ZDHHC21: variants seen among roughly 807,000 people sequenced by gnomAD.
ZDHHC21 encodes the protein zDHHC palmitoyltransferase 21.
Under a neutral mutation model 34.6 loss-of-function variants are expected in ZDHHC21, and 15 were observed. The observed-to-expected ratio is 0.43, with a 90% CI of 0.29 to 0.67. The LOEUF is 0.67. Ranked by LOEUF, ZDHHC21 falls within the 30% of genes least tolerant of loss-of-function variation. The pLI is 0.14. For missense variants in ZDHHC21, 344 were observed against 327.7 expected (o/e 1.05, Z -0.38); for synonymous variants, 142 against 101.8 (o/e 1.40, Z -2.38).
At position 14,612,383 on chromosome 9, in the gene ZDHHC21, T is replaced by A. The variant is rs1823450470; in HGVS notation, c.*6583A>T. ...AATGATTAACCATTTTAGCTGCAGTTGTAAGGACACTGAGTGTTTTGAGAA... is the reference window on the plus strand; with the variant it reads ...AATGATTAACCATTTTAGCTGCAGTAGTAAGGACACTGAGTGTTTTGAGAA... On this transcript the variant is annotated 3_prime_UTR_variant, in exon 10 of 10. Transcript: ENST00000380916. 1 of 151,988 alleles carries A rather than the reference T, an allele frequency of 6.6e-6. No individual in the cohort carries two copies. The allele number at this position is 151,988 out of a possible 1,614,324, so 9.4% of individuals were successfully genotyped here.
chr9:14,629,114 C>G (rs1826850248), intron 8 of ZDHHC21, among the ~76,000 whole-genome samples: 1 of 152,158 alleles, frequency 6.6e-6, no homozygotes, highest in Non-Finnish European at 1.5e-5. Context: ...CTCTCTCTTG[C>G]TTTCTCTTTC....
intron 5 of ZDHHC21, among the ~76,000 whole-genome samples, chr9:14,664,143 C>T (rs201492106): frequency 1.3e-5 from 2 of 151,802 alleles, no homozygotes; most frequent in Non-Finnish European, 2.9e-5. Flanking sequence ...CGCAGGCCAG[C>T]GGGTGCGCGC....
intron 2 of ZDHHC21, among the ~76,000 whole-genome samples, chr9:14,680,751 G>A (rs1394310686): frequency 1.3e-5 from 2 of 152,120 alleles, no homozygotes; most frequent in Non-Finnish European, 2.9e-5. Context: ...ACAGGGTATA[G>A]ATGAAAAAGA....
At chr9:14,638,462 A>T (rs1025260208) in intron 8 of ZDHHC21, among the ~76,000 whole-genome samples, 2 of 152,082 alleles carry the variant, frequency 1.3e-5, no homozygotes, top group Non-Finnish European at 2.9e-5. Flanking sequence ...CTTAGGAAAA[A>T]TATTTCAGGA....
At chr9:14,667,237 C>A (rs1834618462) in intron 5 of ZDHHC21, among the ~76,000 whole-genome samples, 1 of 148,320 alleles carries the variant, frequency 6.7e-6, no homozygotes, top group African/African-American at 2.5e-5. Context: ...CTCAAATAAA[C>A]TAGAAAATCT....
chr9:14,671,242 T>C (rs368260809), intron 5 of ZDHHC21, among the ~76,000 whole-genome samples: 1 of 152,080 alleles, frequency 6.6e-6, no homozygotes, highest in African/African-American at 2.4e-5. Context: ...CTTGGTTTGT[T>C]TGACCCTCAG....
At chr9:14,661,711 T>C (rs1833428545) in intron 6 of ZDHHC21, among the ~76,000 whole-genome samples, 1 of 152,218 alleles carries the variant, frequency 6.6e-6, no homozygotes, top group Non-Finnish European at 1.5e-5. Flanking sequence ...ATCACTCACA[T>C]ACTTCCAACA....
rs1824750031 is a variant in ZDHHC21 at position 14,618,959 on chromosome 9, C to T, written c.*7G>A. On this transcript the variant is annotated 3_prime_UTR_variant, in exon 10 of 10. Transcript: ENST00000380916. ...GGAGGACCCATCTGTGCCCACCATC[C>T]ATCTGTTTAGACATGATTGGCAAAG... 2.5e-6 allele frequency: 4 copies of T among 1,591,888 alleles called. No homozygotes were observed. The highest frequency in any genetic ancestry group is 3.5e-5 in the Admixed American group (2 of 57,406).
intron 3 of ZDHHC21, among the ~76,000 whole-genome samples, chr9:14,679,406 A>C (rs1322381887): frequency 6.6e-6 from 1 of 152,172 alleles, no homozygotes; most frequent in Non-Finnish European, 1.5e-5. Flanking sequence ...GTGTTCGGGA[A>C]GCAACTTATA....
At chr9:14,692,664 G>A (rs1052390150) in intron 1 of ZDHHC21, among the ~76,000 whole-genome samples, 3 of 152,120 alleles carry the variant, frequency 2.0e-5, no homozygotes, top group African/African-American at 4.8e-5. Flanking sequence ...AGTGCAAACT[G>A]CTGCCATCCA....
chr9:14,603,037 G>A, the ZDHHC21 span, among the ~76,000 whole-genome samples: 1 of 152,124 alleles, frequency 6.6e-6, no homozygotes, highest in East Asian at 1.9e-4. Flanking sequence ...TTTCCTGGAG[G>A]GGTGGGAGTT....
chr9:14,676,095 G>A (rs893168793), intron 3 of ZDHHC21, among the ~76,000 whole-genome samples: 9 of 152,106 alleles, frequency 5.9e-5, no homozygotes, highest in Admixed American at 1.3e-4. Flanking sequence ...TTAACATGAC[G>A]AAATGTGTAC....
At chr9:14,644,280 A>C (rs1317636209) in intron 7 of ZDHHC21, among the ~76,000 whole-genome samples, 1 of 152,222 alleles carries the variant, frequency 6.6e-6, no homozygotes, top group African/African-American at 2.4e-5. Flanking sequence ...GAATCTATAG[A>C]TAAATCATTT....
chr9:14,670,068 G>A (rs1835182965), intron 5 of ZDHHC21, among the ~76,000 whole-genome samples: 2 of 151,726 alleles, frequency 1.3e-5, no homozygotes, highest in Admixed American at 1.3e-4. Context: ...TTCACACATT[G>A]CAAGGAATAT....
At chr9:14,668,794 G>A (rs892188187) in intron 5 of ZDHHC21, among the ~76,000 whole-genome samples, 3 of 132,434 alleles carry the variant, frequency 2.3e-5, no homozygotes, top group Admixed American at 7.8e-5. Flanking sequence ...AAACTGGCTA[G>A]CCATATGTAG....
chr9:14,602,757 G>A, the ZDHHC21 span, among the ~76,000 whole-genome samples: 1 of 151,886 alleles, frequency 6.6e-6, no homozygotes, highest in African/African-American at 2.4e-5. Context: ...GCAAAAGCCA[G>A]TGAAAAACAA....
chr9:14,669,292 A>G (rs1835035394), intron 5 of ZDHHC21, among the ~76,000 whole-genome samples: 2 of 144,410 alleles, frequency 1.4e-5, no homozygotes, highest in African/African-American at 5.0e-5. Flanking sequence ...GCAAATCAAA[A>G]CCACTATGAG....
intron 8 of ZDHHC21, among the ~76,000 whole-genome samples, chr9:14,628,297 T>C (rs921934837): frequency 6.6e-6 from 1 of 152,158 alleles, no homozygotes; most frequent in Non-Finnish European, 1.5e-5. Flanking sequence ...TGACATCAGA[T>C]TATCACTGCT....
downstream of ZDHHC21, among the ~76,000 whole-genome samples, chr9:14,610,698 A>C (rs1295017237): frequency 2.6e-5 from 4 of 151,972 alleles, no homozygotes; most frequent in Non-Finnish European, 5.9e-5. Context: ...GTGTAAACTT[A>C]AAGTTTCTGC....
Sources: gnomAD v4.1 joint callset for allele counts (sites outside exome capture counted in the v4.1 genomes callset) on GRCh38, gnomAD v4.1.1 for gene constraint, MANE v1.5 for transcripts, NCBI Gene and HGNC (gene_info 2026-07-23, HGNC 2026-07-21) for gene names.